PRDM1: variants seen among roughly 807,000 people sequenced by gnomAD.
PRDM1 encodes PR/SET domain 1, also known as PR domain zinc finger protein 1.
PRDM1 carries 13 observed loss-of-function variants against 62.8 expected under a neutral mutation model. That is an observed-to-expected ratio of 0.21 (90% confidence interval 0.13 to 0.33). The LOEUF (loss-of-function observed/expected upper bound fraction) is 0.33. Ranked by LOEUF, PRDM1 falls within the 10% of genes least tolerant of loss-of-function variation. The pLI, the probability that PRDM1 is intolerant of heterozygous loss-of-function variation, is 1.00. For synonymous variants in PRDM1, 396 were observed against 417.6 expected, an observed-to-expected ratio of 0.95 and a Z score of 0.63; for missense variants, 895 against 1,058.8, an observed-to-expected ratio of 0.85 and a Z score of 2.15.
chr6:106,078,174 C>G (rs766769442), intron 1 of PRDM1: 8 of 152,114 alleles, frequency 5.3e-5, no homozygotes, highest in Non-Finnish European at 8.8e-5. Context: ...AAAGTGAGTA[C>G]GGTAAATTTG....
rs1402562351 is a variant in PRDM1 at position 106,106,830 on chromosome 6, G to A, written c.1903-81G>A. ...TAGGTTGCTGGGCGTTGGCCGGTAA[G>A]CCTGCCCCTCCCGTTGGCAACTCTT... On this transcript the variant is annotated intron_variant, in intron 6 of 6. Transcript: ENST00000369096. This position sits in a 1 kb window ranked among gnomAD's most constrained non-coding sequence, Gnocchi z 4.4. 6 of 1,444,030 alleles carry A rather than the reference G, an allele frequency of 4.2e-6. No homozygotes were observed. Among genetic ancestry groups the A allele is most frequent in the Non-Finnish European group, 5.7e-6 (6 of 1,061,766 alleles). The allele number at this position is 1,444,030 out of a possible 1,614,324, so 89.5% of individuals were successfully genotyped here.
rs1219348269 is a variant in PRDM1 at position 106,107,383 on chromosome 6, A to T, written c.2375A>T (p.Tyr792Phe). Residue 792 changes from tyrosine (Y) to phenylalanine (F), a missense_variant, in exon 7 of 7, where the codon TAT becomes TTT. By Grantham distance (22) the Tyr-to-Phe change is conservative. This residue lies in a region of PRDM1 where 164 missense variants were observed against 179.9 expected (regional missense o/e 0.91). Coordinates refer to ENST00000369096, the MANE Select transcript of PRDM1 (RefSeq NM_001198.4). The stretch of plus-strand genomic sequence containing the variant: ...CTCCTCTCCTCAGGGTGCAGCCTTT[A>T]TGAGTCATCAGATCTACCCCTCATG... ...NGLLSSGCSLYESSDLPLMKL... is the reference protein window; with the variant it reads ...NGLLSSGCSLFESSDLPLMKL... The T allele has an allele frequency of 6.2e-7, 1 of 1,613,912 alleles. No individual in the cohort carries two copies. Among genetic ancestry groups the T allele is most frequent in the African/African-American group, 1.3e-5 (1 of 74,852 alleles).
intron 1 of PRDM1, among the ~76,000 whole-genome samples, chr6:106,042,150 A>G (rs2114576108): frequency 6.6e-6 from 1 of 151,756 alleles, no homozygotes; most frequent in Middle Eastern, 3.4e-3. Flanking sequence ...ATGTTTTGAT[A>G]ATATTTAATC....
chr6:106,014,860 A>C (rs1302087857), intron 1 of PRDM1, among the ~76,000 whole-genome samples: 1 of 152,122 alleles, frequency 6.6e-6, no homozygotes, highest in Non-Finnish European at 1.5e-5. Context: ...GATCAAAAAT[A>C]GTTTGGGAAG....
chr6:106,042,545 AAACAAC>A (rs970454256), intron 1 of PRDM1, among the ~76,000 whole-genome samples: 38 of 151,610 alleles, frequency 2.5e-4, no homozygotes, highest in African/African-American at 8.9e-4. Flanking sequence ...AAAAACAAAC[AAACAAC>A]AACAACAACA....
chr6:106,078,221 C>T (rs781482982), intron 1 of PRDM1: 3 of 152,106 alleles, frequency 2.0e-5, no homozygotes, highest in Non-Finnish European at 2.9e-5. Flanking sequence ...GGGTGCATCG[C>T]GCAGGAACAG....
chr6:106,085,838 A>G (rs893806431), upstream of PRDM1, among the ~76,000 whole-genome samples: 5 of 119,944 alleles, frequency 4.2e-5, no homozygotes, highest in East Asian at 1.5e-3. Context: ...GAGAAACGGA[A>G]TGTTACAACT....
chr6:106,044,190 C>CTTTTTTTT (rs1773040425), upstream of PRDM1, among the ~76,000 whole-genome samples: 1 of 138,202 alleles, frequency 7.2e-6, no homozygotes, highest in Non-Finnish European at 1.6e-5. Context: ...TCCTTTTTTT[C>CTTTTTTTT]TTTCTTTTTT....
intron 1 of PRDM1, among the ~76,000 whole-genome samples, chr6:106,071,546 G>A (rs1443935014): frequency 6.6e-6 from 1 of 152,096 alleles, no homozygotes; most frequent in African/African-American, 2.4e-5. Context: ...ACTTGCTGGT[G>A]GTCTCCTTTC....
At chr6:106,011,033 T>G (rs1262730953) in intron 1 of PRDM1, among the ~76,000 whole-genome samples, 2 of 152,206 alleles carry the variant, frequency 1.3e-5, no homozygotes, top group Non-Finnish European at 2.9e-5. Context: ...TGAAAGCTCT[T>G]GCTGTGGTAG....
chr6:106,047,567 C>T (rs905829949), upstream of PRDM1, among the ~76,000 whole-genome samples: 1 of 152,166 alleles, frequency 6.6e-6, no homozygotes, highest in Non-Finnish European at 1.5e-5. Context: ...AGGACCTAAC[C>T]AGGGGAAAAT....
intron 1 of PRDM1, among the ~76,000 whole-genome samples, chr6:106,013,330 C>CT (rs66943648): frequency 0.56 from 78,534 of 140,058 alleles, 22,536 homozygotes; most frequent in East Asian, 0.83. Context: ...TTGAACTTTT[C>CT]TTTTTTTTTT....
At chr6:105,999,269 CAG>C (rs984216610) in intron 1 of PRDM1, among the ~76,000 whole-genome samples, 5 of 150,866 alleles carry the variant, frequency 3.3e-5, no homozygotes, top group Admixed American at 1.3e-4. Flanking sequence ...ATTTAGAAAA[CAG>C]GGGGTTGGGC....
rs1490747517 is a variant in PRDM1 at position 105,994,052 on chromosome 6, G to GGGGCAGGAGCACTGATTCCT, written c.-67+416_-67+435dup. Among the ~76,000 whole-genome samples the GGGGCAGGAGCACTGATTCCT allele has an allele frequency of 1.1e-4, 16 of 152,328 alleles. No individual in the cohort carries two copies. The South Asian group carries it at 1.7e-3, about 16-fold the overall frequency. On this transcript the variant is annotated intron_variant, in intron 1 of 6. Coordinates refer to the PRDM1 transcript ENST00000652320. The surrounding 1 kb of genome is among the most constrained non-coding windows in gnomAD (Gnocchi z 4.1). The stretch of plus-strand genomic sequence containing the variant: ...TATTTATTTGTACGCTAGTTGAAGT[G>GGGGCAGGAGCACTGATTCCT]GGGCAGGAGCACTGATTCCTGGACA...
chr6:106,096,154 G>GTT (rs113757559), intron 3 of PRDM1: 54 of 150,480 alleles, frequency 3.6e-4, no homozygotes, highest in South Asian at 2.1e-3. Flanking sequence ...TATCTTTTTG[G>GTT]TTTTTTTTTT....
At chr6:106,027,363 A>C (rs1183463134) in intron 1 of PRDM1, among the ~76,000 whole-genome samples, 1 of 152,288 alleles carries the variant, frequency 6.6e-6, no homozygotes, top group East Asian at 1.9e-4. Context: ...GGGGGGAAAA[A>C]CTTCACCAAA....
At chr6:106,008,520 C>T (rs1318017777) in intron 1 of PRDM1, among the ~76,000 whole-genome samples, 1 of 152,148 alleles carries the variant, frequency 6.6e-6, no homozygotes, top group Non-Finnish European at 1.5e-5. Context: ...CCACAAGTGT[C>T]TCCTTTATAA....
rs962672023 is a variant in PRDM1 at position 106,109,483 on chromosome 6, T to C, written c.*1997T>C. 5 of 233,552 alleles carry C rather than the reference T, an allele frequency of 2.1e-5. No individual in the cohort carries two copies. The highest frequency in any genetic ancestry group is 1.1e-4 in the African/African-American group (5 of 45,354). 14.5% of individuals were successfully genotyped at this position (233,552 alleles called of 1,614,324 possible). On this transcript the variant is annotated 3_prime_UTR_variant, in exon 7 of 7. Transcript: ENST00000369096. ...ATGTTCACCTGTAGAAGAGAACAAA[T>C]TTCGAATAATCCAGGGAAACCCAAG...
At chr6:105,995,758 TTTAA>T (rs1489050647) in intron 1 of PRDM1, among the ~76,000 whole-genome samples, 1 of 152,182 alleles carries the variant, frequency 6.6e-6, no homozygotes, top group Non-Finnish European at 1.5e-5. Flanking sequence ...GACTTGGTTC[TTTAA>T]TTAGGAGGCA....
Sources: gnomAD v4.1 joint callset for allele counts (sites outside exome capture counted in the v4.1 genomes callset) on GRCh38, gnomAD v4.1.1 for gene constraint, gnomAD v4.1.1 regional missense constraint, Gnocchi (gnomAD v3.1) non-coding constraint, MANE v1.5 for transcripts, NCBI Gene and HGNC (gene_info 2026-07-23, HGNC 2026-07-21) for gene names.